Variants in ART3 observed in about 807,000 individuals in gnomAD.
ART3 encodes ecto-ADP-ribosyltransferase 3.
In ART3, 49 loss-of-function variants were observed where a neutral mutation model predicts 48.5. The observed-to-expected ratio is 1.01, with a 90% CI of 0.80 to 1.28. The LOEUF (loss-of-function observed/expected upper bound fraction) is 1.28, where lower values mean the gene tolerates loss of function less well. Ranked by LOEUF, ART3 falls within the 50% of genes most tolerant of loss-of-function variation. The probability of loss-of-function intolerance (pLI) is 0.00; values close to 1 mark genes in which losing one functional copy is unlikely to be tolerated. For missense variants in ART3, 438 were observed against 454.3 expected (o/e 0.96, Z 0.33); for synonymous variants, 145 against 157.2 (o/e 0.92, Z 0.58).
At chr4:76,052,271 A>AC in intron 1 of ART3, among the ~76,000 whole-genome samples, 3 of 152,124 alleles carry the variant, frequency 2.0e-5, no homozygotes, top group African/African-American at 7.2e-5. Flanking sequence ...GTAGTCTGGT[A>AC]TTTGAGAATG....
At chr4:76,108,863 A>G (rs768263235) in intron 11 of ART3, among the ~76,000 whole-genome samples, 4 of 152,056 alleles carry the variant, frequency 2.6e-5, no homozygotes, top group Non-Finnish European at 2.9e-5. Flanking sequence ...ACACAGTGGT[A>G]AGTATTTGTG....
intron 7 of ART3, 68 bp downstream of exon 7, chr4:76,100,892 A>G (rs1415113168): frequency 1.2e-6 from 2 of 1,601,396 alleles, no homozygotes; most frequent in Non-Finnish European, 1.7e-6. Context: ...AGGTGGGAAT[A>G]TTTTCATATT....
chr4:76,023,673 C>T (rs1192606751), intron 1 of ART3, among the ~76,000 whole-genome samples: 1 of 152,120 alleles, frequency 6.6e-6, no homozygotes, highest in African/African-American at 2.4e-5. Context: ...ACGGAATTTC[C>T]CTCTGCTCCT....
In ART3 at chr4:76,081,809, C is replaced by A. The variant is rs1346519966; in HGVS notation, c.70-15C>A. 9 of 1,590,814 alleles carry A rather than the reference C, an allele frequency of 5.7e-6. No individual in the cohort carries two copies. Among genetic ancestry groups the A allele is most frequent in the Non-Finnish European group, 6.0e-6 (7 of 1,166,364 alleles). Reference sequence around the variant, plus strand: ...TTTCTTATTTCAAGAGTATTAATTTCTTTTTCCTTTGAAGGTGAAGGCTGA... The same window carrying A: ...TTTCTTATTTCAAGAGTATTAATTTATTTTTCCTTTGAAGGTGAAGGCTGA... On this transcript the variant is annotated splice_polypyrimidine_tract_variant and intron_variant, in intron 2 of 11. Transcript: ENST00000355810.
intron 1 of ART3, among the ~76,000 whole-genome samples, chr4:76,059,416 C>T (rs1372555129): frequency 1.5e-5 from 2 of 135,028 alleles, no homozygotes; most frequent in African/African-American, 5.5e-5. Context: ...GTCCTTTTCT[C>T]TATCCTTACT....
chr4:76,074,809 A>C lies in ART3; in HGVS notation c.-20A>C, dbSNP rs965704176. Reference sequence around the variant, plus strand: ...CATCACTTAAACTTCCTCCAAAGGCACAAAAGCCAGGTAAACCTTTTGACT... The same window carrying C: ...CATCACTTAAACTTCCTCCAAAGGCCCAAAAGCCAGGTAAACCTTTTGACT... On this transcript the variant is annotated 5_prime_UTR_variant, in exon 1 of 12. Coordinates refer to ENST00000355810, the MANE Select transcript of ART3 (RefSeq NM_001130016.3). The C allele has an allele frequency of 6.6e-6, 1 of 152,220 alleles. No homozygotes were observed. Among genetic ancestry groups the C allele is most frequent in the Admixed American group, 6.5e-5 (1 of 15,288 alleles). The allele number at this position is 152,220 out of a possible 1,614,324, so 9.4% of individuals were successfully genotyped here.
intron 1 of ART3, among the ~76,000 whole-genome samples, chr4:76,062,217 G>A (rs1433065649): frequency 6.6e-6 from 1 of 152,176 alleles, no homozygotes; most frequent in African/African-American, 2.4e-5. Flanking sequence ...TTTTTTAAAA[G>A]CTAAGATATC....
At chr4:76,066,323 G>A (rs1390858298) in intron 1 of ART3, among the ~76,000 whole-genome samples, 2 of 152,140 alleles carry the variant, frequency 1.3e-5, no homozygotes, top group Non-Finnish European at 2.9e-5. Flanking sequence ...GGAAGAAGAA[G>A]AGGAGATTTA....
At chr4:76,035,297 C>G (rs1173379738) in intron 1 of ART3, 1 of 1,613,988 alleles carries the variant, frequency 6.2e-7, no homozygotes, top group Non-Finnish European at 8.5e-7. Flanking sequence ...TGCTTTTACC[C>G]CAGGGCCTAT....
chr4:76,077,590 T>C (rs1252770488), intron 2 of ART3, among the ~76,000 whole-genome samples: 1 of 152,258 alleles, frequency 6.6e-6, no homozygotes, highest in Non-Finnish European at 1.5e-5. Flanking sequence ...TTTGGTAGCA[T>C]TACAGAGTAA....
At chr4:76,033,680 T>C (rs1734079005) in intron 1 of ART3, 2 of 152,310 alleles carry the variant, frequency 1.3e-5, no homozygotes, top group Admixed American at 1.3e-4. Context: ...AGTATATAGA[T>C]CTTTTTTTAA....
intron 1 of ART3, among the ~76,000 whole-genome samples, chr4:76,043,636 G>A (rs942702072): frequency 2.0e-4 from 31 of 151,964 alleles, no homozygotes; most frequent in African/African-American, 5.8e-4. Context: ...CACAAGCGCT[G>A]TGCGCAGCCC....
Position 76,097,660 on chromosome 4 carries a change from C to T in ART3, c.798C>T (p.Asn266=). The part of the protein sequence containing the change: ...CAFLGGLKTE[N]CIENLEYFQP... ...GTGTTTCAGGACTAAAAACCGAAAA[C>T]TGTATTGAGAACCTAGGTAAGATAG... The change falls in exon 4 of 12, where the codon AAC becomes AAT. Residue 266 remains asparagine, a synonymous_variant. Transcript: ENST00000355810. The T allele has an allele frequency of 6.2e-7, 1 of 1,608,014 alleles. No individual in the cohort carries two copies. The highest frequency in any genetic ancestry group is 8.5e-7 in the Non-Finnish European group (1 of 1,174,712).
At chr4:76,102,074 A>G (rs1275271395) in intron 8 of ART3, among the ~76,000 whole-genome samples, 1 of 152,252 alleles carries the variant, frequency 6.6e-6, no homozygotes, top group East Asian at 1.9e-4. Context: ...ACTTTATTCC[A>G]TAGAATAAGC....
chr4:76,075,802 T>G, intron 1 of ART3, 79 bp from the exon 2 acceptor site: 1 of 1,060,294 alleles, frequency 9.4e-7, no homozygotes, highest in Non-Finnish European at 1.4e-6. Context: ...AATGAAAAAA[T>G]ACGCAGTGTC....
chr4:76,068,930 G>A (rs79882505), intron 1 of ART3, among the ~76,000 whole-genome samples: 1 of 152,276 alleles, frequency 6.6e-6, no homozygotes, highest in East Asian at 1.9e-4. Context: ...TCCTCCTTTA[G>A]CTACTCCAAC....
chr4:76,021,764 G>A, intron 1 of ART3: 1 of 708,128 alleles, frequency 1.4e-6, no homozygotes, highest in South Asian at 1.7e-5. Flanking sequence ...TCCTACAGGA[G>A]TAGTAGCAGC....
chr4:76,041,978 C>T (rs913523900), intron 1 of ART3, among the ~76,000 whole-genome samples: 1 of 152,130 alleles, frequency 6.6e-6, no homozygotes, highest in Non-Finnish European at 1.5e-5. Context: ...GCAGTGTTGG[C>T]CTTTTTTATT....
intron 11 of ART3, among the ~76,000 whole-genome samples, chr4:76,109,821 C>T (rs1729144980): frequency 6.6e-6 from 1 of 152,186 alleles, no homozygotes; most frequent in Non-Finnish European, 1.5e-5. Flanking sequence ...CTATCCACTT[C>T]TCTGTGTGTA....
Sources: allele counts gnomAD v4.1 joint callset (sites outside exome capture counted in the v4.1 genomes callset), GRCh38; gene constraint gnomAD v4.1.1; transcripts MANE v1.5; gene names NCBI Gene and HGNC (gene_info 2026-07-23, HGNC 2026-07-21).